The following ALK variants were observed in gnomAD, a reference collection of about 807,000 sequenced individuals.
ALK encodes the protein ALK receptor tyrosine kinase.
ALK carries 74 observed loss-of-function variants against 163.1 expected under a neutral mutation model. The ratio of observed to expected loss-of-function variants is 0.45; its 90% CI spans 0.38 to 0.55. The LOEUF (loss-of-function observed/expected upper bound fraction) is 0.55. Among genes scored for constraint, ALK ranks in the 20% least tolerant of loss-of-function variants. The probability of loss-of-function intolerance (pLI) is 0.00; values close to 1 mark genes in which losing one functional copy is unlikely to be tolerated. For synonymous variants in ALK, 960 were observed against 843.2 expected (o/e 1.14, Z -2.40); for missense variants, 2,063 against 2,105.3 (o/e 0.98, Z 0.39).
At chr2:29,431,827 G>A (rs2148074649) in intron 4 of ALK, among the ~76,000 whole-genome samples, 1 of 152,192 alleles carries the variant, frequency 6.6e-6, no homozygotes, top group African/African-American at 2.4e-5. Context: ...ATAGGATTGA[G>A]GGCCTACTAG....
At chr2:29,202,080 C>A (rs1669195088) in intron 26 of ALK, among the ~76,000 whole-genome samples, 1 of 152,196 alleles carries the variant, frequency 6.6e-6, no homozygotes, top group Admixed American at 6.5e-5. Flanking sequence ...CCATCCCTTC[C>A]ACCCCTATTG....
At position 29,235,989 on chromosome 2, in the gene ALK, C is replaced by T. The variant is rs144083164; in HGVS notation, c.2356-2293G>A. On this transcript the variant is annotated intron_variant, in intron 13 of 28. Transcript: ENST00000389048. ...GCCTGAGTAGCTGGGAGTACAGGTA[C>T]GAAATACCATGCTTGACTAATTTTT... 6.4e-3 allele frequency among the ~76,000 whole-genome samples: 922 copies of T among 145,010 alleles called. 6 individuals are homozygous for T. The highest frequency in any genetic ancestry group is 0.022 in the African/African-American group (874 of 39,566).
chr2:29,531,765 A>C, intron 4 of ALK, 150 bp downstream of exon 4: 1 of 829,972 alleles, frequency 1.2e-6, no homozygotes, highest in Non-Finnish European at 2.0e-6. Flanking sequence ...GACACTACCT[A>C]AGGGATATTA....
chr2:29,795,699 A>G (rs1486306266), intron 1 of ALK, among the ~76,000 whole-genome samples: 2 of 152,314 alleles, frequency 1.3e-5, no homozygotes, highest in East Asian at 1.9e-4. Context: ...TGAAAATATC[A>G]TCTTAAAAAT....
In ALK at chr2:29,581,416, A is replaced by G. The variant is rs1411696167; in HGVS notation, c.953-49300T>C. ...TAAAATAAAATAAAATAAAAGAGTC[A>G]AAGCATGAGCAGAGCCCGTGCAGAG... is the stretch of plus-strand genomic sequence containing the variant. On this transcript the variant is annotated intron_variant, in intron 3 of 28. Transcript: ENST00000389048. 2.7e-5 allele frequency among the ~76,000 whole-genome samples: 4 copies of G among 148,936 alleles called. No individual in the cohort carries two copies. In the East Asian group the frequency reaches 7.8e-4, roughly 29 times the overall value.
intron 1 of ALK, among the ~76,000 whole-genome samples, chr2:29,889,204 G>T (rs1667068910): frequency 6.6e-6 from 1 of 151,798 alleles, no homozygotes; most frequent in African/African-American, 2.4e-5. Flanking sequence ...TGTTTCCAGG[G>T]ATATACAATG....
chr2:29,315,609 G>A (rs1666811818), intron 8 of ALK, among the ~76,000 whole-genome samples: 1 of 152,152 alleles, frequency 6.6e-6, no homozygotes, highest in Non-Finnish European at 1.5e-5. Flanking sequence ...AAAATGCAGA[G>A]CCCTGGGCCC....
intron 3 of ALK, among the ~76,000 whole-genome samples, chr2:29,637,968 T>C (rs1390888403): frequency 6.6e-6 from 1 of 152,106 alleles, no homozygotes; most frequent in East Asian, 1.9e-4. Flanking sequence ...CGATACAGAA[T>C]TTTGAAATAA....
At chr2:29,636,572 T>C (rs905624073) in intron 3 of ALK, among the ~76,000 whole-genome samples, 1 of 152,046 alleles carries the variant, frequency 6.6e-6, no homozygotes, top group African/African-American at 2.4e-5. Context: ...AAAAACACTA[T>C]CTATAAAAGA....
intron 1 of ALK, among the ~76,000 whole-genome samples, chr2:29,837,948 T>C (rs1202294951): frequency 6.6e-6 from 1 of 152,186 alleles, no homozygotes; most frequent in African/African-American, 2.4e-5. Flanking sequence ...AAGTTGTTCA[T>C]ATATTTAAGG....
chr2:29,557,196 A>C lies in ALK; in HGVS notation c.953-25080T>G, dbSNP rs1673886424. 2.0e-5 allele frequency among the ~76,000 whole-genome samples: 3 copies of C among 152,218 alleles called. No individual in the cohort carries two copies. In the South Asian group the frequency reaches 6.2e-4, roughly 32 times the overall value. ...TTTTAATGGAAAAAATAAAAGAATA[A>C]GGGAACTAAGCATCACTCTGAAATT... On this transcript the variant is annotated intron_variant, in intron 3 of 28. Coordinates refer to ENST00000389048, the MANE Select transcript of ALK (RefSeq NM_004304.5).
At chr2:29,861,812 GA>G (rs761767029) in intron 1 of ALK, among the ~76,000 whole-genome samples, 18 of 152,120 alleles carry the variant, frequency 1.2e-4, no homozygotes, top group Non-Finnish European at 1.9e-4. Context: ...ACTGAAGCCA[GA>G]CAAGGATACT....
intron 4 of ALK, among the ~76,000 whole-genome samples, chr2:29,530,864 G>C (rs919691885): frequency 6.6e-6 from 1 of 152,250 alleles, no homozygotes; most frequent in Admixed American, 6.5e-5. Flanking sequence ...GGAATGGGGA[G>C]AGCATTCTTT....
intron 1 of ALK, among the ~76,000 whole-genome samples, chr2:29,769,700 A>G (rs1384566085): frequency 1.3e-5 from 2 of 152,216 alleles, no homozygotes; most frequent in Admixed American, 6.5e-5. Context: ...CAGATTTACA[A>G]TGAACGATAA....
At chr2:29,486,850 G>C (rs896559802) in intron 4 of ALK, among the ~76,000 whole-genome samples, 2 of 152,084 alleles carry the variant, frequency 1.3e-5, no homozygotes, top group African/African-American at 4.8e-5. Flanking sequence ...ACCAAAGTGG[G>C]CACAATCAAT....
At chr2:29,795,730 T>C (rs1664291896) in intron 1 of ALK, among the ~76,000 whole-genome samples, 1 of 152,148 alleles carries the variant, frequency 6.6e-6, no homozygotes, top group African/African-American at 2.4e-5. Flanking sequence ...TCAACTCTAG[T>C]CTTTAAACTC....
At chr2:29,645,281 C>A (rs748758512) in intron 3 of ALK, among the ~76,000 whole-genome samples, 1 of 152,066 alleles carries the variant, frequency 6.6e-6, no homozygotes, top group Admixed American at 6.6e-5. Flanking sequence ...CAATATTACA[C>A]ACGGAACAAA....
At chr2:29,392,300 A>G (rs1354264260) in intron 4 of ALK, among the ~76,000 whole-genome samples, 2 of 152,202 alleles carry the variant, frequency 1.3e-5, no homozygotes, top group Non-Finnish European at 2.9e-5. Flanking sequence ...TCATGTAGTA[A>G]GTACTAGGAG....
At chr2:29,737,539 C>T (rs775851804) in intron 1 of ALK, among the ~76,000 whole-genome samples, 3 of 152,070 alleles carry the variant, frequency 2.0e-5, no homozygotes, top group Admixed American at 6.5e-5. Flanking sequence ...TCACGAGAAG[C>T]AAAATCTCTT....
Sources: allele counts gnomAD v4.1 joint callset (sites outside exome capture counted in the v4.1 genomes callset), GRCh38; gene constraint gnomAD v4.1.1; transcripts MANE v1.5; gene names NCBI Gene and HGNC (gene_info 2026-07-23, HGNC 2026-07-21).